RCAN2: variants seen among roughly 807,000 people sequenced by gnomAD.
RCAN2 encodes the protein calcipressin-2.
A neutral mutation model predicts 23.6 loss-of-function variants in RCAN2; 9 were observed. That is an observed-to-expected ratio of 0.38 (90% CI 0.23 to 0.67). The LOEUF is 0.67. Ranked by LOEUF, RCAN2 falls within the 30% of genes least tolerant of loss-of-function variation. The pLI is 0.51. For missense variants in RCAN2, 273 were observed against 302.3 expected (o/e 0.90, Z 0.72); for synonymous variants, 109 against 115.7 (o/e 0.94, Z 0.37).
chr6:46,441,117 A>C (rs922944435), intron 2 of RCAN2, among the ~76,000 whole-genome samples: 1 of 152,094 alleles, frequency 6.6e-6, no homozygotes, highest in Non-Finnish European at 1.5e-5. Flanking sequence ...CAGGGAGGGG[A>C]ATGAAGAAGA....
At chr6:46,348,468 G>T (rs1764553067) in intron 2 of RCAN2, among the ~76,000 whole-genome samples, 1 of 152,080 alleles carries the variant, frequency 6.6e-6, no homozygotes, top group Non-Finnish European at 1.5e-5. Context: ...GTACCTCACT[G>T]CTGACTCTAG....
chr6:46,336,911 G>A (rs1764161121), intron 2 of RCAN2, among the ~76,000 whole-genome samples: 1 of 150,372 alleles, frequency 6.7e-6, no homozygotes, highest in African/African-American at 2.4e-5. Context: ...TAATGATCTG[G>A]GGATGGGGGA....
At chr6:46,388,732 A>G (rs1765840755) in intron 2 of RCAN2, among the ~76,000 whole-genome samples, 1 of 152,120 alleles carries the variant, frequency 6.6e-6, no homozygotes, top group African/African-American at 2.4e-5. Context: ...TTCCCTCATA[A>G]GTGGGAGTTC....
In RCAN2 at chr6:46,342,747, T is replaced by C. The variant is rs1764367652; in HGVS notation, c.226-93851A>G. Among the ~76,000 whole-genome samples, 3 of 151,752 alleles carry C rather than the reference T, an allele frequency of 2.0e-5. No individual in the cohort carries two copies. In the South Asian group the frequency reaches 6.2e-4, roughly 32 times the overall value. Reference sequence around the variant, plus strand: ...TGGTGTAGTTGTGGGAGAAAGAATTTGCCATAGAGAGGCATAAGGAGAAAC... The same window carrying C: ...TGGTGTAGTTGTGGGAGAAAGAATTCGCCATAGAGAGGCATAAGGAGAAAC... On this transcript the variant is annotated intron_variant, in intron 2 of 4. Transcript: ENST00000371374.
At chr6:46,292,251 G>A (rs1248589666) in intron 2 of RCAN2, among the ~76,000 whole-genome samples, 1 of 152,110 alleles carries the variant, frequency 6.6e-6, no homozygotes, top group East Asian at 1.9e-4. Flanking sequence ...GAGATTAGTT[G>A]GCCCCCAAAT....
At chr6:46,240,323 C>CTT (rs148457345) in intron 4 of RCAN2, among the ~76,000 whole-genome samples, 6,709 of 152,082 alleles carry the variant, frequency 0.044, 472 homozygotes, top group African/African-American at 0.15. Flanking sequence ...GGTCATATGT[C>CTT]TTCTGTTTTT....
At chr6:46,353,555 AC>A (rs1764727676) in intron 2 of RCAN2, among the ~76,000 whole-genome samples, 1 of 152,152 alleles carries the variant, frequency 6.6e-6, no homozygotes, top group South Asian at 2.1e-4. Context: ...TTGTACCCTG[AC>A]TTAAGTTCAG....
chr6:46,377,737 G>C (rs1765515875), intron 2 of RCAN2, among the ~76,000 whole-genome samples: 1 of 152,138 alleles, frequency 6.6e-6, no homozygotes. Flanking sequence ...AAAGATGGAG[G>C]CTAAATTTTG....
intron 2 of RCAN2, among the ~76,000 whole-genome samples, chr6:46,373,378 G>C (rs887030341): frequency 6.6e-6 from 1 of 152,084 alleles, no homozygotes. Context: ...GATTCTCATG[G>C]CTCAGCCTCC....
intron 2 of RCAN2, among the ~76,000 whole-genome samples, chr6:46,361,350 C>A (rs1000751796): frequency 6.6e-6 from 1 of 152,090 alleles, no homozygotes; most frequent in Non-Finnish European, 1.5e-5. Context: ...CCTTTGACTC[C>A]CAGGCCACAC....
chr6:46,353,771 C>T (rs886445311), intron 2 of RCAN2, among the ~76,000 whole-genome samples: 1 of 152,176 alleles, frequency 6.6e-6, no homozygotes, highest in Non-Finnish European at 1.5e-5. Context: ...GAAGGAAACA[C>T]TGATTTATTT....
At chr6:46,357,237 T>G (rs563632938) in intron 2 of RCAN2, among the ~76,000 whole-genome samples, 1 of 152,306 alleles carries the variant, frequency 6.6e-6, no homozygotes. Flanking sequence ...TCAGGGCAAC[T>G]AAATGAAATT....
At chr6:46,353,405 C>A (rs564475333) in intron 2 of RCAN2, among the ~76,000 whole-genome samples, 42 of 152,198 alleles carry the variant, frequency 2.8e-4, no homozygotes, top group African/African-American at 9.4e-4. Context: ...AGAGACAGTG[C>A]AGGTGCAGGT....
At chr6:46,442,687 G>A (rs1767586271) in intron 2 of RCAN2, among the ~76,000 whole-genome samples, 1 of 152,146 alleles carries the variant, frequency 6.6e-6, no homozygotes, top group South Asian at 2.1e-4. Context: ...GTGTCATCAA[G>A]AATATATGTT....
intron 2 of RCAN2, among the ~76,000 whole-genome samples, chr6:46,299,869 T>A (rs1762848740): frequency 1.3e-5 from 2 of 151,956 alleles, no homozygotes; most frequent in African/African-American, 4.8e-5. Flanking sequence ...ATACCATTTT[T>A]AAAATATATA....
chr6:46,409,860 T>G (rs143402337), intron 2 of RCAN2, among the ~76,000 whole-genome samples: 56 of 152,314 alleles, frequency 3.7e-4, no homozygotes, highest in South Asian at 2.5e-3. Flanking sequence ...AAAGGCATTA[T>G]TTCTTATTAT....
chr6:46,407,186 G>C (rs1766428601), intron 2 of RCAN2, among the ~76,000 whole-genome samples: 3 of 152,202 alleles, frequency 2.0e-5, no homozygotes, highest in African/African-American at 7.2e-5. Flanking sequence ...AGCACCACAG[G>C]AGATAAAAAT....
At chr6:46,412,599 G>A (rs1328719882) in intron 2 of RCAN2, among the ~76,000 whole-genome samples, 2 of 152,210 alleles carry the variant, frequency 1.3e-5, no homozygotes, top group Admixed American at 6.5e-5. Flanking sequence ...GGTGAAAACA[G>A]ATGGCAATGT....
chr6:46,233,905 T>G (rs1336344847), intron 4 of RCAN2, among the ~76,000 whole-genome samples: 2 of 152,070 alleles, frequency 1.3e-5, no homozygotes, highest in Non-Finnish European at 2.9e-5. Context: ...TTTTTTGTAT[T>G]TTTAGTAGAG....
Sources: gnomAD v4.1 joint callset for allele counts (sites outside exome capture counted in the v4.1 genomes callset) on GRCh38, gnomAD v4.1.1 for gene constraint, MANE v1.5 for transcripts, NCBI Gene and HGNC (gene_info 2026-07-23, HGNC 2026-07-21) for gene names.